Variants in FAM13A observed in about 807,000 individuals in gnomAD.
FAM13A encodes family with sequence similarity 13 member A, also known as protein FAM13A.
A neutral mutation model predicts 129.6 loss-of-function variants in FAM13A; 76 were observed. That is an observed-to-expected ratio of 0.59 (90% CI 0.49 to 0.71). The LOEUF (loss-of-function observed/expected upper bound fraction) is 0.71, where lower values mean the gene tolerates loss of function less well. Ranked by LOEUF, FAM13A falls within the 30% of genes least tolerant of loss-of-function variation. FAM13A has a pLI of 0.00. For missense variants in FAM13A, 1,108 were observed against 1,249.3 expected (o/e 0.89, Z 1.70); for synonymous variants, 443 against 449.9 (o/e 0.98, Z 0.20).
intron 3 of FAM13A, among the ~76,000 whole-genome samples, chr4:88,994,696 T>C (rs1428679223): frequency 6.6e-6 from 1 of 151,968 alleles, no homozygotes; most frequent in Non-Finnish European, 1.5e-5. Flanking sequence ...AAAAATTAGC[T>C]GGGCATGGTG....
At chr4:88,976,060 G>A (rs1760857258) in intron 4 of FAM13A, among the ~76,000 whole-genome samples, 1 of 152,142 alleles carries the variant, frequency 6.6e-6, no homozygotes, top group Non-Finnish European at 1.5e-5. Context: ...CAGATATAAG[G>A]AGTAAGTAAG....
Position 89,057,066 on chromosome 4 carries a change from A to G in FAM13A, c.-102T>C. Reference sequence around the variant, plus strand: ...ATTCAGCACATATTCTTTGATGTGAAAAACAGCTCCCAATGCAAAGGCCCC... The same window carrying G: ...ATTCAGCACATATTCTTTGATGTGAGAAACAGCTCCCAATGCAAAGGCCCC... On this transcript the variant is annotated 5_prime_UTR_variant, in exon 1 of 24. Coordinates refer to ENST00000264344, the MANE Select transcript of FAM13A (RefSeq NM_014883.4). 6.4e-7 allele frequency: 1 copy of G among 1,567,746 alleles called. No individual in the cohort carries two copies. Among genetic ancestry groups the G allele is most frequent in the Non-Finnish European group, 8.6e-7 (1 of 1,160,446 alleles).
chr4:88,995,173 A>G (rs1763395516), intron 3 of FAM13A, among the ~76,000 whole-genome samples: 1 of 152,062 alleles, frequency 6.6e-6, no homozygotes, highest in South Asian at 2.1e-4. Context: ...CAAACAGTAT[A>G]TTTGTTGCAC....
intron 1 of FAM13A, among the ~76,000 whole-genome samples, chr4:89,045,708 T>C (rs1332444807): frequency 3.3e-5 from 5 of 152,124 alleles, no homozygotes; most frequent in Admixed American, 3.3e-4. Context: ...ATAAAAGGCT[T>C]ACAAAATATT....
intron 19 of FAM13A, among the ~76,000 whole-genome samples, chr4:88,742,869 C>T (rs779997375): frequency 2.6e-4 from 39 of 152,136 alleles, no homozygotes; most frequent in Non-Finnish European, 4.9e-4. Context: ...TGGTAAATTG[C>T]AGAATTCAAA....
intron 5 of FAM13A, among the ~76,000 whole-genome samples, chr4:88,910,911 G>A (rs1326387727): frequency 6.6e-6 from 1 of 152,120 alleles, no homozygotes; most frequent in Non-Finnish European, 1.5e-5. Flanking sequence ...GCCTCCCAAA[G>A]TGCTGGGATT....
intron 1 of FAM13A, among the ~76,000 whole-genome samples, chr4:89,051,166 G>A (rs988197769): frequency 5.3e-5 from 8 of 152,118 alleles, no homozygotes; most frequent in Non-Finnish European, 1.0e-4. Flanking sequence ...GCTTATAAAT[G>A]AAAGAAATTT....
chr4:88,956,870 GT>G (rs1404215666), intron 4 of FAM13A, among the ~76,000 whole-genome samples: 1 of 152,122 alleles, frequency 6.6e-6, no homozygotes, highest in Non-Finnish European at 1.5e-5. Flanking sequence ...AGTTTGGATT[GT>G]CCCCGCCCAA....
chr4:89,039,707 T>A (rs1404527927), intron 1 of FAM13A, among the ~76,000 whole-genome samples: 1 of 152,056 alleles, frequency 6.6e-6, no homozygotes, highest in African/African-American at 2.4e-5. Context: ...GACCTCTATA[T>A]AAGCATAACT....
intron 10 of FAM13A, among the ~76,000 whole-genome samples, chr4:88,782,838 G>A (rs975284751): frequency 1.8e-4 from 27 of 152,122 alleles, no homozygotes; most frequent in African/African-American, 5.6e-4. Context: ...TCCCCTCCAC[G>A]CACTGAGAGC....
intron 1 of FAM13A, 152 bp from the exon 2 acceptor site, chr4:89,029,801 C>A: frequency 1.4e-6 from 1 of 690,570 alleles, no homozygotes; most frequent in Non-Finnish European, 2.5e-6. Flanking sequence ...TCTAACATCT[C>A]TCACATGTTG....
chr4:88,733,532 T>A (rs1253563646), intron 21 of FAM13A, among the ~76,000 whole-genome samples: 1 of 152,234 alleles, frequency 6.6e-6, no homozygotes, highest in African/African-American at 2.4e-5. Context: ...ATTGAGATAA[T>A]GTGTGTCAGG....
At chr4:88,989,414 C>A (rs996288449) in intron 4 of FAM13A, among the ~76,000 whole-genome samples, 1 of 152,056 alleles carries the variant, frequency 6.6e-6, no homozygotes, top group African/African-American at 2.4e-5. Context: ...CCAGCCTGGG[C>A]AACATGGTGA....
Position 88,732,205 on chromosome 4 carries a change from A to T in FAM13A, c.2647-7T>A. On this transcript the variant is annotated splice_polypyrimidine_tract_variant and splice_region_variant and intron_variant, in intron 21 of 23. Transcript: ENST00000264344. ...CTGACCCCTCCTCTTCTTCCTGGAG[A>T]TACACAGCAACCCCAATAAAAATCT... 6.3e-7 allele frequency: 1 copy of T among 1,597,150 alleles called. No individual in the cohort carries two copies. Among genetic ancestry groups the T allele is most frequent in the Non-Finnish European group, 8.5e-7 (1 of 1,170,210 alleles).
At chr4:88,738,971 T>C in intron 20 of FAM13A, 59 bp downstream of exon 20, 1 of 1,072,834 alleles carries the variant, frequency 9.3e-7, no homozygotes, top group Non-Finnish European at 1.5e-6. Context: ...TATTCATATA[T>C]CCAGGGCCCA....
At chr4:88,750,403 C>T in intron 15 of FAM13A, 21 bp downstream of exon 15, 1 of 1,586,616 alleles carries the variant, frequency 6.3e-7, no homozygotes, top group Non-Finnish European at 8.7e-7. Flanking sequence ...ATTTGTCTAT[C>T]AGCAACACAG....
intron 7 of FAM13A, among the ~76,000 whole-genome samples, chr4:88,828,858 A>G (rs970191471): frequency 6.6e-6 from 1 of 152,268 alleles, no homozygotes; most frequent in Non-Finnish European, 1.5e-5. Context: ...GTGCAATCAC[A>G]GATGTGCTAA....
intron 6 of FAM13A, among the ~76,000 whole-genome samples, chr4:88,851,931 AT>A (rs982110717): frequency 6.6e-6 from 1 of 152,194 alleles, no homozygotes; most frequent in African/African-American, 2.4e-5. Flanking sequence ...TTCCTTTAAA[AT>A]GTAAAAAATA....
intron 5 of FAM13A, among the ~76,000 whole-genome samples, chr4:88,930,701 G>C (rs1388769629): frequency 6.6e-6 from 1 of 152,114 alleles, no homozygotes; most frequent in African/African-American, 2.4e-5. Flanking sequence ...CTAGTTGTGA[G>C]AGTATTGGGC....
Sources: allele counts gnomAD v4.1 joint callset (sites outside exome capture counted in the v4.1 genomes callset), GRCh38; gene constraint gnomAD v4.1.1; transcripts MANE v1.5; gene names NCBI Gene and HGNC (gene_info 2026-07-23, HGNC 2026-07-21).